The following CNTN5 variants were observed in gnomAD, a reference collection of about 807,000 sequenced individuals.
CNTN5 encodes contactin 5.
CNTN5 carries 77 observed loss-of-function variants against 129.1 expected under a neutral mutation model. The observed-to-expected ratio is 0.60, with a 90% CI of 0.50 to 0.72. The LOEUF is 0.72. Ranked by LOEUF, CNTN5 falls within the 30% of genes least tolerant of loss-of-function variation. The pLI is 0.00. For synonymous variants in CNTN5, 509 were observed against 465.6 expected (o/e 1.09, Z -1.20); for missense variants, 1,478 against 1,328.8 (o/e 1.11, Z -1.75).
intron 1 of CNTN5, among the ~76,000 whole-genome samples, chr11:99,043,773 T>C (rs1864100098): frequency 6.6e-6 from 1 of 152,176 alleles, no homozygotes; most frequent in South Asian, 2.1e-4. Flanking sequence ...ACATAGAGGA[T>C]ATAATTTAGG....
At chr11:99,938,079 T>C (rs958245176) in intron 7 of CNTN5, among the ~76,000 whole-genome samples, 2 of 152,180 alleles carry the variant, frequency 1.3e-5, no homozygotes, top group African/African-American at 4.8e-5. Flanking sequence ...ATTCTAAGAA[T>C]GGATCTAACA....
At chr11:99,645,785 C>CCAG (rs1951938325) in intron 3 of CNTN5, among the ~76,000 whole-genome samples, 2 of 109,904 alleles carry the variant, frequency 1.8e-5, no homozygotes, top group African/African-American at 6.1e-5. Flanking sequence ...ACATTGCACA[C>CCAG]TTGGGCCTGT....
chr11:99,506,666 T>A (rs949597177), intron 2 of CNTN5, among the ~76,000 whole-genome samples: 3 of 152,230 alleles, frequency 2.0e-5, no homozygotes, highest in African/African-American at 7.2e-5. Flanking sequence ...AAGTAGGAAT[T>A]TCAATGTAGT....
intron 1 of CNTN5, among the ~76,000 whole-genome samples, chr11:99,120,993 T>C (rs984799055): frequency 2.0e-5 from 3 of 152,284 alleles, no homozygotes; most frequent in Admixed American, 6.5e-5. Flanking sequence ...AATTTTACAA[T>C]GAAATGTTAT....
chr11:99,872,451 C>G (rs1041037720), intron 6 of CNTN5, among the ~76,000 whole-genome samples: 1 of 152,022 alleles, frequency 6.6e-6, no homozygotes, highest in African/African-American at 2.4e-5. Context: ...ATATTAAACA[C>G]CTATGTGGAA....
At chr11:100,183,403 T>A (rs1348354615) in intron 13 of CNTN5, among the ~76,000 whole-genome samples, 4 of 143,112 alleles carry the variant, frequency 2.8e-5, no homozygotes, top group South Asian at 2.1e-4. Context: ...CACAATGGAA[T>A]GAATACTACT....
At chr11:99,235,937 A>G (rs1861237096) in intron 1 of CNTN5, among the ~76,000 whole-genome samples, 1 of 152,220 alleles carries the variant, frequency 6.6e-6, no homozygotes, top group African/African-American at 2.4e-5. Flanking sequence ...AGTGAACCAA[A>G]ATAGGACTTC....
At chr11:99,100,256 C>T (rs748676745) in intron 1 of CNTN5, among the ~76,000 whole-genome samples, 22 of 151,628 alleles carry the variant, frequency 1.5e-4, no homozygotes, top group Non-Finnish European at 2.9e-4. Context: ...CTTTCTTTGC[C>T]AGCCCTGCTC....
chr11:99,544,023 G>A (rs1037003122), intron 2 of CNTN5, among the ~76,000 whole-genome samples: 2 of 151,402 alleles, frequency 1.3e-5, no homozygotes, highest in African/African-American at 4.9e-5. Context: ...TTCTTGTGTT[G>A]CTGTTAAGAA....
intron 1 of CNTN5, among the ~76,000 whole-genome samples, chr11:99,189,286 T>C (rs1044252704): frequency 1.3e-5 from 2 of 151,700 alleles, no homozygotes; most frequent in Non-Finnish European, 3.0e-5. Flanking sequence ...CTGTGTTTAT[T>C]TATCGTTTGA....
chr11:99,580,388 T>C (rs892206478), intron 3 of CNTN5, among the ~76,000 whole-genome samples: 1 of 152,214 alleles, frequency 6.6e-6, no homozygotes, highest in African/African-American at 2.4e-5. Flanking sequence ...TTAACTGGAA[T>C]AGTTTCAGAA....
At chr11:100,224,134 G>A (rs977108514) in intron 15 of CNTN5, among the ~76,000 whole-genome samples, 1 of 152,140 alleles carries the variant, frequency 6.6e-6, no homozygotes, top group South Asian at 2.1e-4. Context: ...ATCCATGATG[G>A]TAGTGGTTAT....
In CNTN5 at chr11:99,100,862, ATC is replaced by A. The variant is rs1473270743; in HGVS notation, c.-210+79596_-210+79597del. Among the ~76,000 whole-genome samples, 5 of 152,348 alleles carry A rather than the reference ATC, an allele frequency of 3.3e-5. No homozygotes were observed. The East Asian group carries it at 9.6e-4, about 29-fold the overall frequency. ...CTTGGAGATATAGAAACATAGAACTATCTCTGATGAAAATTGAGTCATTCTAA... is the reference window on the plus strand; with the variant it reads ...CTTGGAGATATAGAAACATAGAACTATCTGATGAAAATTGAGTCATTCTAA... On this transcript the variant is annotated intron_variant, in intron 1 of 24. Coordinates refer to ENST00000524871, the MANE Select transcript of CNTN5 (RefSeq NM_014361.4).
At chr11:99,905,777 G>A (rs1455978267) in intron 6 of CNTN5, among the ~76,000 whole-genome samples, 1 of 152,140 alleles carries the variant, frequency 6.6e-6, no homozygotes, top group African/African-American at 2.4e-5. Flanking sequence ...CATGAGCATG[G>A]ACGCCTTTTC....
chr11:99,978,650 A>G (rs887038302), intron 8 of CNTN5, among the ~76,000 whole-genome samples: 5 of 152,246 alleles, frequency 3.3e-5, no homozygotes, highest in African/African-American at 1.2e-4. Flanking sequence ...AATAGGGTAT[A>G]CCATATAGCC....
At position 99,345,182 on chromosome 11, in the gene CNTN5, T is replaced by A. The variant is rs186564503; in HGVS notation, c.-71+19698T>A. On this transcript the variant is annotated intron_variant, in intron 2 of 24. Transcript: ENST00000524871. ...AATACATATATATGGAAGTATTTCA[T>A]ATTTAAAATAAAACATACACTCAGG... Among the ~76,000 whole-genome samples, 19 of 152,320 alleles carry A rather than the reference T, an allele frequency of 1.2e-4. 1 individual carries two copies. Among genetic ancestry groups the A allele is most frequent in the Admixed American group, 9.8e-4 (15 of 15,302 alleles).
chr11:99,708,947 C>T (rs1178690445), intron 3 of CNTN5, among the ~76,000 whole-genome samples: 1 of 151,834 alleles, frequency 6.6e-6, no homozygotes, highest in Non-Finnish European at 1.5e-5. Context: ...ATAAGAATCT[C>T]CTCACTAATA....
intron 2 of CNTN5, among the ~76,000 whole-genome samples, chr11:99,456,553 C>A (rs748018164): frequency 2.6e-5 from 4 of 152,074 alleles, no homozygotes; most frequent in Non-Finnish European, 5.9e-5. Flanking sequence ...TTCAGGAGAT[C>A]TAAAATGACA....
At chr11:100,300,822 TG>T (rs1951201995) in intron 20 of CNTN5, among the ~76,000 whole-genome samples, 1 of 151,638 alleles carries the variant, frequency 6.6e-6, no homozygotes, top group Non-Finnish European at 1.5e-5. Context: ...AGATTTCTGA[TG>T]TGTTTTCAGA....
Sources: allele counts gnomAD v4.1 joint callset (sites outside exome capture counted in the v4.1 genomes callset), GRCh38; gene constraint gnomAD v4.1.1; transcripts MANE v1.5; gene names NCBI Gene and HGNC (gene_info 2026-07-23, HGNC 2026-07-21).